PTPRD: variants seen among roughly 807,000 people sequenced by gnomAD.
The protein encoded by PTPRD is receptor-type tyrosine-protein phosphatase delta.
A neutral mutation model predicts 214.5 loss-of-function variants in PTPRD; 34 were observed. The observed-to-expected ratio is 0.16, with a 90% CI of 0.12 to 0.21. PTPRD has a LOEUF of 0.21. Ranked by LOEUF, PTPRD falls within the 10% of genes least tolerant of loss-of-function variation. The pLI is 1.00. For missense variants in PTPRD, 2,545 were observed against 2,398.7 expected (o/e 1.06, Z -1.27); for synonymous variants, 1,128 against 845.7 (o/e 1.33, Z -5.79).
intron 2 of PTPRD, among the ~76,000 whole-genome samples, chr9:10,408,545 T>C (rs1042224811): frequency 2.6e-5 from 4 of 151,656 alleles, no homozygotes; most frequent in Non-Finnish European, 4.4e-5. Context: ...CTGATTTGTA[T>C]TTTATCACCC....
intron 7 of PTPRD, among the ~76,000 whole-genome samples, chr9:9,605,570 T>A (rs917699948): frequency 7.2e-5 from 11 of 152,090 alleles, no homozygotes; most frequent in African/African-American, 2.7e-4. Flanking sequence ...GACTTTAACT[T>A]GTAGGCAATG....
intron 2 of PTPRD, among the ~76,000 whole-genome samples, chr9:10,535,273 T>A (rs549356160): frequency 6.6e-6 from 1 of 152,274 alleles, no homozygotes; most frequent in South Asian, 2.1e-4. Context: ...AGGGGAAAAG[T>A]CCAAATGTTA....
chr9:8,421,588 A>C (rs771959861), intron 35 of PTPRD, among the ~76,000 whole-genome samples: 7 of 152,134 alleles, frequency 4.6e-5, no homozygotes, highest in Non-Finnish European at 1.0e-4. Flanking sequence ...TGCCATATAC[A>C]CAGTGACAGG....
rs650768 is a variant in PTPRD at position 10,437,034 on chromosome 9, T to C, written c.-599-96017A>G. Among the ~76,000 whole-genome samples the C allele has an allele frequency of 8.6e-5, 13 of 151,900 alleles. No homozygotes were observed. In the East Asian group the frequency reaches 2.5e-3, roughly 30 times the overall value. ...AGTCCCTTAGCTGCTGAGATAAGTATATATGCAATAACCACCTTCTTAGCA... is the reference window on the plus strand; with the variant it reads ...AGTCCCTTAGCTGCTGAGATAAGTACATATGCAATAACCACCTTCTTAGCA... On this transcript the variant is annotated intron_variant, in intron 2 of 45. Transcript: ENST00000381196.
intron 10 of PTPRD, among the ~76,000 whole-genome samples, chr9:9,085,473 G>C (rs759983644): frequency 1.3e-5 from 2 of 151,928 alleles, no homozygotes; most frequent in Non-Finnish European, 2.9e-5. Flanking sequence ...TGACCCTTAG[G>C]GTGAAAATAA....
At chr9:9,898,819 A>T (rs890775709) in intron 5 of PTPRD, among the ~76,000 whole-genome samples, 5 of 152,104 alleles carry the variant, frequency 3.3e-5, no homozygotes, top group African/African-American at 1.2e-4. Context: ...GTGAATTTTT[A>T]AAAAGACGTA....
intron 11 of PTPRD, among the ~76,000 whole-genome samples, chr9:8,821,177 G>A (rs963600469): frequency 1.3e-5 from 2 of 152,166 alleles, no homozygotes; most frequent in African/African-American, 4.8e-5. Context: ...TAAGTAGTGA[G>A]AAAAAGGAAA....
intron 10 of PTPRD, among the ~76,000 whole-genome samples, chr9:9,160,130 G>C (rs1300865443): frequency 6.6e-6 from 1 of 152,064 alleles, no homozygotes; most frequent in Non-Finnish European, 1.5e-5. Context: ...ATTGTTCTGG[G>C]CAATTATTTT....
intron 10 of PTPRD, among the ~76,000 whole-genome samples, chr9:9,040,695 C>G (rs770243228): frequency 3.9e-5 from 6 of 152,042 alleles, no homozygotes; most frequent in Admixed American, 2.0e-4. Context: ...GGAAGGTTAT[C>G]TATAACATGA....
At chr9:8,983,290 G>C (rs1797350787) in intron 11 of PTPRD, among the ~76,000 whole-genome samples, 2 of 151,872 alleles carry the variant, frequency 1.3e-5, no homozygotes, top group African/African-American at 4.8e-5. Flanking sequence ...AAAATAAAAT[G>C]CTTCACTAGA....
At chr9:9,449,520 C>G (rs974454642) in intron 8 of PTPRD, among the ~76,000 whole-genome samples, 9 of 151,900 alleles carry the variant, frequency 5.9e-5, no homozygotes, top group African/African-American at 2.2e-4. Flanking sequence ...AAGGAACCTG[C>G]CCTGATGGAG....
rs527459840 is a variant in PTPRD at position 10,130,822 on chromosome 9, G to A, written c.-544-97032C>T. On this transcript the variant is annotated intron_variant, in intron 3 of 45. Transcript: ENST00000381196. ...TCCTCAGAGCCAAATTGTACTTTAC[G>A]TTAGGCAGAGGCACTGGAAATGGAA... is the stretch of plus-strand genomic sequence containing the variant. 2.2e-4 allele frequency among the ~76,000 whole-genome samples: 33 copies of A among 152,202 alleles called. No individual in the cohort carries two copies. In the South Asian group the frequency reaches 4.8e-3, roughly 22 times the overall value.
At chr9:8,639,540 C>T (rs904604913) in intron 12 of PTPRD, among the ~76,000 whole-genome samples, 3 of 152,192 alleles carry the variant, frequency 2.0e-5, no homozygotes, top group African/African-American at 7.2e-5. Context: ...AGGGCTGTTG[C>T]ATAAAATGAG....
intron 7 of PTPRD, among the ~76,000 whole-genome samples, chr9:9,619,649 T>A (rs1029122613): frequency 4.8e-5 from 7 of 145,626 alleles, no homozygotes; most frequent in Non-Finnish European, 1.1e-4. Flanking sequence ...ATTTATATTG[T>A]ATAGAAATAT....
intron 6 of PTPRD, among the ~76,000 whole-genome samples, chr9:9,746,105 C>G (rs1418738287): frequency 6.6e-6 from 1 of 152,072 alleles, no homozygotes; most frequent in Non-Finnish European, 1.5e-5. Context: ...AAAAAGTTTA[C>G]TTCAGTTTGC....
chr9:9,383,585 G>C (rs1304825603), intron 9 of PTPRD, among the ~76,000 whole-genome samples: 1 of 152,182 alleles, frequency 6.6e-6, no homozygotes, highest in African/African-American at 2.4e-5. Context: ...AAAGTTAAAT[G>C]ATTTGGCTAA....
chr9:8,877,303 C>T (rs1566783392), intron 11 of PTPRD, among the ~76,000 whole-genome samples: 1 of 152,272 alleles, frequency 6.6e-6, no homozygotes, highest in Admixed American at 6.5e-5. Flanking sequence ...AAAACTCCAA[C>T]ATGAATAACC....
At chr9:9,733,031 A>G (rs2098226579) in intron 7 of PTPRD, among the ~76,000 whole-genome samples, 1 of 152,160 alleles carries the variant, frequency 6.6e-6, no homozygotes, top group Non-Finnish European at 1.5e-5. Flanking sequence ...AGAAATTTCT[A>G]TTTACCACTC....
chr9:8,506,974 T>C (rs1402735390), intron 22 of PTPRD, among the ~76,000 whole-genome samples: 1 of 152,190 alleles, frequency 6.6e-6, no homozygotes, highest in Admixed American at 6.5e-5. Flanking sequence ...GAGAAAGTCC[T>C]CAAGTCTCAT....
Sources: gnomAD v4.1 joint callset for allele counts (sites outside exome capture counted in the v4.1 genomes callset) on GRCh38, gnomAD v4.1.1 for gene constraint, MANE v1.5 for transcripts, NCBI Gene and HGNC (gene_info 2026-07-23, HGNC 2026-07-21) for gene names.